Variants in KLF7 observed in about 807,000 individuals in gnomAD.
The protein encoded by KLF7 is KLF transcription factor 7, also known as Krueppel-like factor 7.
Under a neutral mutation model 27.3 loss-of-function variants are expected in KLF7, and 2 were observed. That is an observed-to-expected ratio of 0.07 (90% CI 0.03 to 0.23). The LOEUF is 0.23. Among genes scored for constraint, KLF7 ranks in the 10% least tolerant of loss-of-function variants. The pLI is 1.00. For synonymous variants in KLF7, 165 were observed against 162.4 expected (o/e 1.02, Z -0.12); for missense variants, 221 against 394.1 (o/e 0.56, Z 3.72).
upstream of KLF7, chr2:207,167,212 G>T: frequency 7.6e-7 from 1 of 1,314,744 alleles, no homozygotes; most frequent in Non-Finnish European, 9.9e-7. Context: ...GTTTTCTGGA[G>T]TTGGGATGTA....
rs561445073 is a variant in KLF7, at chr2:207,076,500, T to C, written c.*4713A>G. 6.6e-6 allele frequency: 1 copy of C among 152,288 alleles called. No homozygotes were observed. The highest frequency in any genetic ancestry group is 1.9e-4 in the East Asian group (1 of 5,184). 9.4% of individuals were successfully genotyped at this position (152,288 alleles called of 1,614,324 possible). ...TAAGAAAGTTAACTGCAGCTTTATT[T>C]TTCCCTTTTCTGGGATCTATTAGGA... On this transcript the variant is annotated 3_prime_UTR_variant, in exon 4 of 4. Coordinates refer to ENST00000309446, the MANE Select transcript of KLF7 (RefSeq NM_003709.4).
intron 2 of KLF7, among the ~76,000 whole-genome samples, chr2:207,119,807 G>A (rs920806943): frequency 6.6e-5 from 10 of 152,226 alleles, no homozygotes; most frequent in Middle Eastern, 3.4e-3. Flanking sequence ...GGGGTCAAGC[G>A]ATTCTCCTGC....
chr2:207,078,521 AG>A lies in KLF7; in HGVS notation c.*2691del, dbSNP rs956647213. On this transcript the variant is annotated 3_prime_UTR_variant, in exon 4 of 4. Coordinates refer to ENST00000309446, the MANE Select transcript of KLF7 (RefSeq NM_003709.4). ...ATTGGTCAGTTCGAAAATTAAATTA[AG>A]TATTATAAACCCTTAATAATAGCAT... 1.3e-5 allele frequency: 2 copies of A among 152,254 alleles called. No homozygotes were observed. The highest frequency in any genetic ancestry group is 2.4e-5 in the African/African-American group (1 of 41,464). 9.4% of individuals were successfully genotyped at this position (152,254 alleles called of 1,614,324 possible). A position where few individuals can be genotyped will look rare whatever the true frequency, so the allele number is the denominator to read the frequency against.
At chr2:207,114,991 C>T (rs1574483101) in intron 2 of KLF7, among the ~76,000 whole-genome samples, 2 of 151,964 alleles carry the variant, frequency 1.3e-5, no homozygotes, top group Non-Finnish European at 2.9e-5. Flanking sequence ...GTAATGGAAA[C>T]GGATACATTT....
chr2:207,172,392 TAC>T, the KLF7 span, among the ~76,000 whole-genome samples: 5 of 152,198 alleles, frequency 3.3e-5, no homozygotes, highest in Non-Finnish European at 5.9e-5. Context: ...AGCACTAAAA[TAC>T]AGTTTTCCCT....
chr2:207,090,909 C>T (rs1574427508), intron 2 of KLF7, among the ~76,000 whole-genome samples: 1 of 152,090 alleles, frequency 6.6e-6, no homozygotes, highest in South Asian at 2.1e-4. Flanking sequence ...GAATGAGGCA[C>T]CTAAGACTTT....
chr2:207,082,047 G>T (rs1344667423), intron 3 of KLF7, among the ~76,000 whole-genome samples: 1 of 152,122 alleles, frequency 6.6e-6, no homozygotes, highest in Admixed American at 6.5e-5. Context: ...AGGCTAAGGT[G>T]TTTCTTGGAA....
In KLF7 at chr2:207,124,025, G is replaced by A. The variant is rs767492398; in HGVS notation, c.482C>T (p.Thr161Met). 2.7e-5 allele frequency: 44 copies of A among 1,614,026 alleles called. No individual in the cohort carries two copies. In the Admixed American group the frequency reaches 4.5e-4, roughly 17 times the overall value. ...CTTGGCCACCAGTTTCAACGTCACC[G>A]TGCCATCCACGGCAGAGAGAGTTTG... Reference protein sequence around the residue: ...TSQTLSAVDGTVTLKLVAKKA... With the variant: ...TSQTLSAVDGMVTLKLVAKKA... Residue 161 changes from threonine to methionine, a missense_variant, in exon 2 of 4, where the codon ACG (threonine) becomes ATG (methionine). Coordinates refer to ENST00000309446, the MANE Select transcript of KLF7 (RefSeq NM_003709.4).
intron 1 of KLF7, among the ~76,000 whole-genome samples, chr2:207,137,404 T>G (rs569069707): frequency 1.3e-4 from 20 of 152,336 alleles, no homozygotes; most frequent in African/African-American, 4.6e-4. Context: ...AAAATTCCTA[T>G]GTGGGCCCAT....
At chr2:207,088,017 G>C (rs1057385632) in intron 3 of KLF7, among the ~76,000 whole-genome samples, 6 of 152,262 alleles carry the variant, frequency 3.9e-5, no homozygotes, top group African/African-American at 1.4e-4. Context: ...AAGCCTTATA[G>C]TGATAGGAAC....
chr2:207,100,367 C>A (rs1410328523), intron 2 of KLF7, among the ~76,000 whole-genome samples: 10 of 152,120 alleles, frequency 6.6e-5, no homozygotes, highest in Non-Finnish European at 1.0e-4. Context: ...GCTAAAGCAA[C>A]CCAAATATGT....
intron 2 of KLF7, among the ~76,000 whole-genome samples, chr2:207,100,343 A>G (rs760723322): frequency 1.3e-5 from 2 of 152,214 alleles, no homozygotes; most frequent in Non-Finnish European, 2.9e-5. Flanking sequence ...TTTAGAGACT[A>G]AATTTCCCCA....
At chr2:207,139,036 T>C (rs991413537) in intron 1 of KLF7, among the ~76,000 whole-genome samples, 1 of 152,226 alleles carries the variant, frequency 6.6e-6, no homozygotes, top group Admixed American at 6.5e-5. Flanking sequence ...AGGATCCTTT[T>C]TGCGAAGGTA....
chr2:207,074,227 TC>T lies in KLF7; in HGVS notation c.*6985del, dbSNP rs2076142791. ...TCACCACCGTATCCACTTCTGTAAGTCCAAAGAATGCAAAGAAAGCTTGACT... is the reference window on the plus strand; with the variant it reads ...TCACCACCGTATCCACTTCTGTAAGTCAAAGAATGCAAAGAAAGCTTGACT... On this transcript the variant is annotated 3_prime_UTR_variant, in exon 4 of 4. Transcript: ENST00000309446. 1 of 152,186 alleles carries T rather than the reference TC, an allele frequency of 6.6e-6. No homozygotes were observed. The highest frequency in any genetic ancestry group is 2.1e-4 in the South Asian group (1 of 4,828). 9.4% of individuals were successfully genotyped at this position (152,186 alleles called of 1,614,324 possible).
chr2:207,092,730 C>G (rs201420033), intron 2 of KLF7, among the ~76,000 whole-genome samples: 1 of 152,066 alleles, frequency 6.6e-6, no homozygotes, highest in Non-Finnish European at 1.5e-5. Flanking sequence ...ATTGACTGAT[C>G]AAAAAACACT....
intron 2 of KLF7, among the ~76,000 whole-genome samples, chr2:207,106,426 C>T (rs982950295): frequency 6.6e-6 from 1 of 152,118 alleles, no homozygotes; most frequent in Non-Finnish European, 1.5e-5. Flanking sequence ...AAATGTAAAA[C>T]ATATTTAGAA....
chr2:207,105,902 C>G (rs1243829312), intron 2 of KLF7, among the ~76,000 whole-genome samples: 47 of 152,078 alleles, frequency 3.1e-4, no homozygotes, highest in Non-Finnish European at 5.9e-5. Context: ...TGAATGTGCT[C>G]TAAGTGTAAA....
intron 2 of KLF7, among the ~76,000 whole-genome samples, chr2:207,092,585 C>A (rs2076536727): frequency 6.6e-6 from 1 of 152,202 alleles, no homozygotes; most frequent in Non-Finnish European, 1.5e-5. Context: ...ACAGGACTGA[C>A]ATTTAGAGAG....
chr2:207,103,627 G>A (rs2076815983), intron 2 of KLF7, among the ~76,000 whole-genome samples: 1 of 152,094 alleles, frequency 6.6e-6, no homozygotes, highest in Admixed American at 6.5e-5. Flanking sequence ...TACAGTTTAC[G>A]GGAAAACAGA....
Sources: gnomAD v4.1 joint callset for allele counts (sites outside exome capture counted in the v4.1 genomes callset) on GRCh38, gnomAD v4.1.1 for gene constraint, MANE v1.5 for transcripts, NCBI Gene and HGNC (gene_info 2026-07-23, HGNC 2026-07-21) for gene names.